The following EXOG variants were observed in gnomAD, a reference collection of about 807,000 sequenced individuals.
EXOG encodes the protein exo/endonuclease G, also known as nuclease EXOG, mitochondrial.
EXOG carries 27 observed loss-of-function variants against 25.8 expected under a neutral mutation model. The observed-to-expected ratio is 1.05, with a 90% CI of 0.77 to 1.45. EXOG has a LOEUF of 1.45. Among genes scored for constraint, EXOG ranks in the 40% most tolerant of loss-of-function variants. The pLI, the probability that EXOG is intolerant of heterozygous loss-of-function variation, is 0.00. For synonymous variants in EXOG, 133 were observed against 167.0 expected (o/e 0.80, Z 1.57); for missense variants, 458 against 450.5 (o/e 1.02, Z -0.15).
Position 38,496,513 on chromosome 3 carries a change from CAG to C in EXOG, c.147_148del (p.Gly50GlufsTer29). The C allele has an allele frequency of 6.2e-7, 1 of 1,612,516 alleles. No homozygotes were observed. The highest frequency in any genetic ancestry group is 8.5e-7 in the Non-Finnish European group (1 of 1,179,800). On this transcript the variant is annotated frameshift_variant, in exon 1 of 6. Coordinates refer to ENST00000287675, the MANE Select transcript of EXOG (RefSeq NM_005107.4). LOFTEE classifies it high-confidence loss of function. ...AGTCAGGGCGCTGAGGGAGCGTTGA[CAG>C]GGAAGCAGCCGGATGGTAAGTCTGT...
Position 38,496,478 on chromosome 3 carries a change from G to C in EXOG, c.111G>C (p.Gln37His). 6.2e-7 allele frequency: 1 copy of C among 1,613,954 alleles called. No individual in the cohort carries two copies. Among genetic ancestry groups the C allele is most frequent in the South Asian group, 1.1e-5 (1 of 91,080 alleles). Reference sequence around the variant, plus strand: ...CGGGAGCTGGGCTCGCGGCCCTGCAGTTCTTCCGGAGTCAGGGCGCTGAGG... The same window carrying C: ...CGGGAGCTGGGCTCGCGGCCCTGCACTTCTTCCGGAGTCAGGGCGCTGAGG... ...GAAGAGLAAL[Q>H]FFRSQGAEGA... The change falls in exon 1 of 6, where the codon CAG becomes CAC. Residue 37 changes from glutamine (Q) to histidine (H), a missense_variant. Transcript: ENST00000287675.
chr3:38,515,531 C>A, intron 5 of EXOG: 1 of 187,914 alleles, frequency 5.3e-6, no homozygotes. Flanking sequence ...TGGCCCAGGG[C>A]CAGCTCCTCG....
intron 4 of EXOG, among the ~76,000 whole-genome samples, chr3:38,504,229 T>C (rs1405529032): frequency 2.0e-5 from 3 of 151,794 alleles, no homozygotes; most frequent in Non-Finnish European, 2.9e-5. Flanking sequence ...TAACCAAGTG[T>C]GGTGGTCCAT....
In EXOG at chr3:38,501,334, AT is replaced by A. The variant is rs749029952; in HGVS notation, c.314-17del. 5 of 1,610,562 alleles carry A rather than the reference AT, an allele frequency of 3.1e-6. No homozygotes were observed. Among genetic ancestry groups the A allele is most frequent in the Non-Finnish European group, 4.2e-6 (5 of 1,177,154 alleles). On this transcript the variant is annotated intron_variant, in intron 2 of 5. Coordinates refer to ENST00000287675, the MANE Select transcript of EXOG (RefSeq NM_005107.4). ...ACATTTGTCTACTGATAACATATCC[AT>A]TTTGTGTGTTTTTCTTCAGGTGATG...
intron 5 of EXOG, among the ~76,000 whole-genome samples, chr3:38,510,675 AATTATAT>A (rs1224053330): frequency 1.3e-5 from 2 of 150,220 alleles, no homozygotes; most frequent in African/African-American, 2.4e-5. Flanking sequence ...AGAATTTTAA[AATTATAT>A]ATTAAATATT....
At chr3:38,497,821 A>C in intron 2 of EXOG, 43 bp downstream of exon 2, 1 of 1,562,544 alleles carries the variant, frequency 6.4e-7, no homozygotes, top group African/African-American at 1.4e-5. Flanking sequence ...GTATTTATGA[A>C]AGATGTCTCC....
At chr3:38,504,117 C>T (rs1193533864) in intron 4 of EXOG, among the ~76,000 whole-genome samples, 1 of 152,106 alleles carries the variant, frequency 6.6e-6, no homozygotes, top group East Asian at 1.9e-4. Context: ...TCTATAGTCT[C>T]AGCACCTGGA....
chr3:38,507,915 G>A (rs985462010), intron 5 of EXOG, among the ~76,000 whole-genome samples: 2 of 152,080 alleles, frequency 1.3e-5, no homozygotes, highest in Non-Finnish European at 2.9e-5. Flanking sequence ...AGGCGATCAC[G>A]AGGTCAGGAG....
At chr3:38,496,950 AAATT>A (rs1441325789) in intron 1 of EXOG, 59 of 1,125,456 alleles carry the variant, frequency 5.2e-5, no homozygotes, top group Non-Finnish European at 6.5e-5. Context: ...ATGAAGGAAT[AAATT>A]AATACATAAT....
At chr3:38,522,633 T>C (rs1387601337) in intron 5 of EXOG, among the ~76,000 whole-genome samples, 1 of 152,160 alleles carries the variant, frequency 6.6e-6, no homozygotes, top group Non-Finnish European at 1.5e-5. Context: ...GCCTCCCGAG[T>C]AGCAGGGATT....
chr3:38,523,221 A>C, intron 5 of EXOG: 1 of 1,289,388 alleles, frequency 7.8e-7, no homozygotes, highest in Non-Finnish European at 1.0e-6. Flanking sequence ...TGTTTGGAGC[A>C]CCAGAAGTTC....
intron 5 of EXOG, among the ~76,000 whole-genome samples, chr3:38,508,223 G>A (rs1467364985): frequency 6.6e-6 from 1 of 152,140 alleles, no homozygotes; most frequent in African/African-American, 2.4e-5. Flanking sequence ...TCTTCTAGAA[G>A]CTTCTTTTTT....
chr3:38,520,398 C>T (rs1198053626), intron 5 of EXOG, among the ~76,000 whole-genome samples: 2 of 152,196 alleles, frequency 1.3e-5, no homozygotes, highest in Non-Finnish European at 2.9e-5. Context: ...AATTTAATAG[C>T]AGCAAGGGTT....
At position 38,525,106 on chromosome 3, in the gene EXOG, A is replaced by G. The variant is rs2060839809; in HGVS notation, c.*744A>G. On this transcript the variant is annotated 3_prime_UTR_variant, in exon 6 of 6. Transcript: ENST00000287675. Reference sequence around the variant, plus strand: ...CTCAGCAACTAGTTTCTGCTCATTAAATGTGTTCTATATACTAGGCTCAGT... The same window carrying G: ...CTCAGCAACTAGTTTCTGCTCATTAGATGTGTTCTATATACTAGGCTCAGT... The G allele has an allele frequency of 9.3e-6, 9 of 968,714 alleles. No homozygotes were observed. In the South Asian group the frequency reaches 3.3e-4, roughly 36 times the overall value. 60.0% of individuals were successfully genotyped at this position (968,714 alleles called of 1,614,324 possible). A position where few individuals can be genotyped will look rare whatever the true frequency, so the allele number is the denominator to read the frequency against.
chr3:38,519,853 C>A (rs1158420543), intron 5 of EXOG, among the ~76,000 whole-genome samples: 2 of 152,192 alleles, frequency 1.3e-5, no homozygotes, highest in African/African-American at 4.8e-5. Context: ...TTCTTGTTGA[C>A]TTTACCACAC....
chr3:38,516,643 T>A (rs1306761849), intron 5 of EXOG, among the ~76,000 whole-genome samples: 1 of 152,158 alleles, frequency 6.6e-6, no homozygotes, highest in Non-Finnish European at 1.5e-5. Flanking sequence ...TAATATTTAG[T>A]CCATATTGAA....
intron 1 of EXOG, 190 bp from the exon 2 acceptor site, chr3:38,497,439 T>A: frequency 7.4e-7 from 1 of 1,355,792 alleles, no homozygotes; most frequent in African/African-American, 1.5e-5. Context: ...CTTTGCCTAC[T>A]GTCTGTTTTC....
chr3:38,526,296 G>C lies in EXOG; in HGVS notation c.*1934G>C. On this transcript the variant is annotated 3_prime_UTR_variant, in exon 6 of 6. Transcript: ENST00000287675. The stretch of plus-strand genomic sequence containing the variant: ...CAAGGCTTTCAGATAAAGATAAGAT[G>C]ATAATGATTGACATTGTTCTGCTCT... 1.0e-6 allele frequency: 1 copy of C among 961,872 alleles called. No homozygotes were observed. Among genetic ancestry groups the C allele is most frequent in the Non-Finnish European group, 1.2e-6 (1 of 808,868 alleles). 59.6% of individuals were successfully genotyped at this position (961,872 alleles called of 1,614,324 possible). A position where few individuals can be genotyped will look rare whatever the true frequency, so the allele number is the denominator to read the frequency against.
In EXOG at chr3:38,525,427, T is replaced by C. The variant is rs931794578; in HGVS notation, c.*1065T>C. ...GAAGAGTCTGGTTTCTCGTCTGCTATGCAAGCCAAAGGGACTTTAATGTTC... is the reference window on the plus strand; with the variant it reads ...GAAGAGTCTGGTTTCTCGTCTGCTACGCAAGCCAAAGGGACTTTAATGTTC... On this transcript the variant is annotated 3_prime_UTR_variant, in exon 6 of 6. Coordinates refer to ENST00000287675, the MANE Select transcript of EXOG (RefSeq NM_005107.4). The C allele has an allele frequency of 3.0e-6, 3 of 985,298 alleles. No individual in the cohort carries two copies. The highest frequency in any genetic ancestry group is 3.5e-5 in the African/African-American group (2 of 57,250). The allele number at this position is 985,298 out of a possible 1,614,324, so 61.0% of individuals were successfully genotyped here. A position where few individuals can be genotyped will look rare whatever the true frequency, so the allele number is the denominator to read the frequency against.
Sources: gnomAD v4.1 joint callset for allele counts (sites outside exome capture counted in the v4.1 genomes callset) on GRCh38, gnomAD v4.1.1 for gene constraint, MANE v1.5 for transcripts, NCBI Gene and HGNC (gene_info 2026-07-23, HGNC 2026-07-21) for gene names.